The following GRM5 variants were observed in gnomAD, a reference collection of about 807,000 sequenced individuals.
GRM5 encodes metabotropic glutamate receptor 5.
Under a neutral mutation model 83.1 loss-of-function variants are expected in GRM5, and 19 were observed. The ratio of observed to expected loss-of-function variants is 0.23; its 90% CI spans 0.16 to 0.34. The LOEUF is 0.34. GRM5 is among the 10% of genes least tolerant of loss of function. GRM5 has a pLI of 1.00. For missense variants in GRM5, 1,160 were observed against 1,588.3 expected (o/e 0.73, Z 4.58); for synonymous variants, 675 against 633.6 (o/e 1.07, Z -0.98).
intron 3 of GRM5, among the ~76,000 whole-genome samples, chr11:88,800,846 T>C (rs564187578): frequency 1.3e-5 from 2 of 152,246 alleles, no homozygotes; most frequent in Admixed American, 1.3e-4. Context: ...TCAATTGTGA[T>C]AAATGTGAAA....
chr11:88,545,233 G>A (rs1942361000), intron 8 of GRM5, among the ~76,000 whole-genome samples: 1 of 151,974 alleles, frequency 6.6e-6, no homozygotes, highest in Non-Finnish European at 1.5e-5. Context: ...TCTGTTCTTG[G>A]TTCTTCCAAA....
At chr11:88,712,638 T>G (rs1941308534) in intron 3 of GRM5, among the ~76,000 whole-genome samples, 1 of 152,024 alleles carries the variant, frequency 6.6e-6, no homozygotes, top group African/African-American at 2.4e-5. Context: ...TAATGAATAC[T>G]GTTCGTAGTT....
chr11:88,737,093 A>G (rs1476347597), intron 3 of GRM5, among the ~76,000 whole-genome samples: 2 of 152,088 alleles, frequency 1.3e-5, no homozygotes, highest in African/African-American at 4.8e-5. Context: ...AATCACACAT[A>G]CTGTGTTGAG....
intron 3 of GRM5, among the ~76,000 whole-genome samples, chr11:88,771,455 G>A (rs1368056377): frequency 2.0e-5 from 3 of 152,098 alleles, no homozygotes. Flanking sequence ...TCCAAAGGCT[G>A]AAAAACCTGG....
In GRM5 at chr11:88,567,315, G is replaced by A; in HGVS notation, c.2368C>T (p.Pro790Ser). 3 of 1,613,962 alleles carry A rather than the reference G, an allele frequency of 1.9e-6. No homozygotes were observed. Among genetic ancestry groups the A allele is most frequent in the Non-Finnish European group, 1.7e-6 (2 of 1,179,880 alleles). The change falls in exon 8 of 10, where the codon CCA becomes TCA. Residue 790 changes from proline (P) to serine (S), a missense_variant. This residue lies in a region of GRM5 where 66 missense variants were observed against 138.6 expected (regional missense o/e 0.48). Transcript: ENST00000305447. This position sits in a 1 kb window ranked among gnomAD's most constrained non-coding sequence, Gnocchi z 7.3. ...TTGTAGTTGCTGCCAAAGTAGATTG[G>A]CACAAAAGCTAGCCATATAATGCAG... ...TTCIIWLAFV[P>S]IYFGSNYKII...
chr11:88,833,104 T>C lies in GRM5; in HGVS notation c.911+16802A>G, dbSNP rs1044162569. Reference sequence around the variant, plus strand: ...AAAACACAGACAACAAAAACAAAAATAAACAAATGGGATTGTTTTAAACCA... The same window carrying C: ...AAAACACAGACAACAAAAACAAAAACAAACAAATGGGATTGTTTTAAACCA... On this transcript the variant is annotated intron_variant, in intron 3 of 9. Transcript: ENST00000305447. Among the ~76,000 whole-genome samples the C allele has an allele frequency of 7.2e-5, 11 of 152,008 alleles. No homozygotes were observed. In the East Asian group the frequency reaches 2.1e-3, roughly 29 times the overall value.
intron 7 of GRM5, among the ~76,000 whole-genome samples, chr11:88,579,552 G>A (rs1048659040): frequency 6.6e-6 from 1 of 152,170 alleles, no homozygotes; most frequent in Non-Finnish European, 1.5e-5. Context: ...AGGAAGGAAA[G>A]AATAGTGGTC....
chr11:89,017,984 G>A (rs1289045921), intron 2 of GRM5, among the ~76,000 whole-genome samples: 4 of 151,880 alleles, frequency 2.6e-5, no homozygotes, highest in African/African-American at 9.7e-5. Context: ...CCACTGCTTG[G>A]CACATGATAG....
intron 2 of GRM5, among the ~76,000 whole-genome samples, chr11:88,928,864 A>C (rs1326297436): frequency 1.3e-5 from 2 of 148,872 alleles, no homozygotes; most frequent in East Asian, 4.0e-4. Flanking sequence ...ATATGGATGA[A>C]ATTTTTTTCC....
At position 88,730,251 on chromosome 11, in the gene GRM5, C is replaced by T. The variant is rs375635052; in HGVS notation, c.912-76848G>A. Among the ~76,000 whole-genome samples the T allele has an allele frequency of 2.0e-3, 300 of 152,164 alleles. 4 individuals are homozygous for T. The highest frequency in any genetic ancestry group is 6.8e-3 in the African/African-American group (284 of 41,518). On this transcript the variant is annotated intron_variant, in intron 3 of 9. Coordinates refer to ENST00000305447, the MANE Select transcript of GRM5 (RefSeq NM_001143831.3). The stretch of plus-strand genomic sequence containing the variant: ...AGACACTTCTCAAAAGACATTTATG[C>T]GGCCAACAAACATATAAAAAAAGCT...
intron 4 of GRM5, among the ~76,000 whole-genome samples, chr11:88,640,689 G>A (rs951212869): frequency 8.5e-5 from 13 of 152,156 alleles, no homozygotes; most frequent in Admixed American, 5.9e-4. Context: ...ATTTGTTACA[G>A]TGGCTCACAA....
chr11:88,597,110 T>A, intron 6 of GRM5, 74 bp downstream of exon 6: 2 of 955,808 alleles, frequency 2.1e-6, no homozygotes, highest in Non-Finnish European at 3.1e-6. Context: ...GTCTAAAATT[T>A]TTAAAAATAG....
chr11:88,829,044 T>A (rs1257710706), intron 3 of GRM5, among the ~76,000 whole-genome samples: 3 of 151,750 alleles, frequency 2.0e-5, no homozygotes, highest in Non-Finnish European at 2.9e-5. Context: ...TAGAAAAAAA[T>A]CTTAAAAAAT....
chr11:88,570,682 C>T (rs1490602197), intron 7 of GRM5, among the ~76,000 whole-genome samples: 1 of 143,842 alleles, frequency 7.0e-6, no homozygotes, highest in Non-Finnish European at 1.5e-5. Flanking sequence ...CGAGTTCAAG[C>T]GATTCTTGTG....
chr11:88,582,384 C>T (rs1270017216), intron 7 of GRM5, among the ~76,000 whole-genome samples: 1 of 151,958 alleles, frequency 6.6e-6, no homozygotes, highest in African/African-American at 2.4e-5. Context: ...GGTTAGGTAC[C>T]TTCCATTTAT....
At chr11:88,781,570 C>T (rs1259730144) in intron 3 of GRM5, among the ~76,000 whole-genome samples, 1 of 151,572 alleles carries the variant, frequency 6.6e-6, no homozygotes, top group Non-Finnish European at 1.5e-5. Flanking sequence ...GGCTATGATT[C>T]CAGTCATCAT....
intron 3 of GRM5, among the ~76,000 whole-genome samples, chr11:88,707,709 TAATGAA>T (rs1448880723): frequency 2.6e-5 from 4 of 152,124 alleles, no homozygotes; most frequent in African/African-American, 9.7e-5. Context: ...TGTGGCCAGC[TAATGAA>T]AAGTGTTACT....
intron 3 of GRM5, among the ~76,000 whole-genome samples, chr11:88,826,816 G>T (rs1943902158): frequency 6.6e-6 from 1 of 152,064 alleles, no homozygotes; most frequent in East Asian, 1.9e-4. Context: ...AGACTTTTAG[G>T]AATAAAATTT....
At chr11:88,882,401 A>G (rs1944973511) in intron 2 of GRM5, among the ~76,000 whole-genome samples, 1 of 150,810 alleles carries the variant, frequency 6.6e-6, no homozygotes, top group African/African-American at 2.4e-5. Context: ...AATACAAAAA[A>G]AAAAAAAAAA....
Sources: gnomAD v4.1 joint callset for allele counts (sites outside exome capture counted in the v4.1 genomes callset) on GRCh38, gnomAD v4.1.1 for gene constraint, gnomAD v4.1.1 regional missense constraint, Gnocchi (gnomAD v3.1) non-coding constraint, MANE v1.5 for transcripts, NCBI Gene and HGNC (gene_info 2026-07-23, HGNC 2026-07-21) for gene names.